The following PRDM5 variants were observed in gnomAD, a reference collection of about 807,000 sequenced individuals.
PRDM5 encodes PR/SET domain 5, also known as PR domain zinc finger protein 5.
A neutral mutation model predicts 81.2 loss-of-function variants in PRDM5; 56 were observed. That is an observed-to-expected ratio of 0.69 (90% CI 0.56 to 0.86). The LOEUF (loss-of-function observed/expected upper bound fraction) is 0.86, where lower values mean the gene tolerates loss of function less well. Among genes scored for constraint, PRDM5 ranks in the 40% least tolerant of loss-of-function variants. The probability of loss-of-function intolerance (pLI) is 0.00; values close to 1 mark genes in which losing one functional copy is unlikely to be tolerated. For synonymous variants in PRDM5, 267 were observed against 256.4 expected, an observed-to-expected ratio of 1.04 and a Z score of -0.39; for missense variants, 697 against 770.1, an observed-to-expected ratio of 0.91 and a Z score of 1.12.
At chr4:120,794,011 A>C (rs1231315817) in intron 10 of PRDM5, among the ~76,000 whole-genome samples, 1 of 152,262 alleles carries the variant, frequency 6.6e-6, no homozygotes, top group Non-Finnish European at 1.5e-5. Context: ...AAGAGAAAGA[A>C]CAATTAAAAT....
chr4:120,908,215 T>C (rs560071427), intron 1 of PRDM5, among the ~76,000 whole-genome samples: 137 of 152,324 alleles, frequency 9.0e-4, no homozygotes, highest in Non-Finnish European at 1.6e-3. Context: ...CTGACGGGAC[T>C]TTTAAGGACA....
intron 3 of PRDM5, among the ~76,000 whole-genome samples, chr4:120,827,263 AT>A (rs1158943283): frequency 6.6e-6 from 1 of 152,124 alleles, no homozygotes; most frequent in African/African-American, 2.4e-5. Context: ...TGGAATTCAG[AT>A]TTGCTGGCAA....
At chr4:120,805,342 C>T (rs1397634957) in intron 8 of PRDM5, among the ~76,000 whole-genome samples, 1 of 152,222 alleles carries the variant, frequency 6.6e-6, no homozygotes, top group African/African-American at 2.4e-5. Context: ...TCCTCCCTAA[C>T]TCATTTTGTG....
At chr4:120,697,670 AT>A (rs373112429) in intron 15 of PRDM5, among the ~76,000 whole-genome samples, 8 of 30,066 alleles carry the variant, frequency 2.7e-4, no homozygotes, top group African/African-American at 8.8e-4. Context: ...CCAGCTAACT[AT>A]TTTTTTTTTT....
At chr4:120,718,146 T>C (rs1393582282) in intron 14 of PRDM5, among the ~76,000 whole-genome samples, 1 of 152,344 alleles carries the variant, frequency 6.6e-6, no homozygotes, top group African/African-American at 2.4e-5. Flanking sequence ...GCACTAGGGA[T>C]ACACCTTTTC....
chr4:120,767,421 A>T (rs2149198263), intron 13 of PRDM5, among the ~76,000 whole-genome samples: 1 of 152,332 alleles, frequency 6.6e-6, no homozygotes, highest in Admixed American at 6.5e-5. Flanking sequence ...TCTTCATAAA[A>T]CTGAGTGTTA....
chr4:120,833,907 G>A lies in PRDM5; in HGVS notation c.301-12562C>T, dbSNP rs192234564. Among the ~76,000 whole-genome samples the A allele has an allele frequency of 1.7e-3, 252 of 152,232 alleles. 1 individual carries two copies. The highest frequency in any genetic ancestry group is 7.0e-3 in the Admixed American group (107 of 15,288). On this transcript the variant is annotated intron_variant, in intron 3 of 15. Coordinates refer to ENST00000264808, the MANE Select transcript of PRDM5 (RefSeq NM_018699.4). The stretch of plus-strand genomic sequence containing the variant: ...TGTTTGAAACGCACTCTGAATCTGT[G>A]AAAGCTAGATAAGTCCTAAACAAAA...
Position 120,810,975 on chromosome 4 carries a change from T to A in PRDM5, c.945+395A>T, listed in dbSNP as rs961018351. 9.8e-4 allele frequency among the ~76,000 whole-genome samples: 149 copies of A among 152,252 alleles called. 1 individual carries two copies. Among genetic ancestry groups the A allele is most frequent in the Non-Finnish European group, 1.9e-4 (13 of 68,000 alleles). On this transcript the variant is annotated intron_variant, in intron 8 of 15. Transcript: ENST00000264808. ...ATCTATATATAAACAGAAACAAAAA[T>A]TCATTTTACAAACCATAACAAAAGT...
intron 3 of PRDM5, among the ~76,000 whole-genome samples, chr4:120,825,157 A>G (rs964522417): frequency 3.3e-5 from 5 of 152,120 alleles, no homozygotes; most frequent in African/African-American, 9.7e-5. Flanking sequence ...CCAAACCACC[A>G]ATTTCCTCAT....
chr4:120,716,168 T>C (rs11736461), intron 14 of PRDM5, among the ~76,000 whole-genome samples: 1 of 152,176 alleles, frequency 6.6e-6, no homozygotes, highest in African/African-American at 2.4e-5. Flanking sequence ...TTTTCACATG[T>C]TTATACATGC....
Position 120,715,704 on chromosome 4 carries a change from A to G in PRDM5, c.1624-5291T>C, listed in dbSNP as rs138617135. ...ATTATTATGAAGTATATGAGAAGAA[A>G]CAAAAAGCTTAATCCCTACACTTTA... On this transcript the variant is annotated intron_variant, in intron 14 of 15. Coordinates refer to ENST00000264808, the MANE Select transcript of PRDM5 (RefSeq NM_018699.4). Among the ~76,000 whole-genome samples the G allele has an allele frequency of 1.4e-4, 21 of 152,294 alleles. No individual in the cohort carries two copies. The East Asian group carries it at 3.3e-3, about 24-fold the overall frequency.
At chr4:120,723,821 T>A (rs1258425839) in intron 14 of PRDM5, among the ~76,000 whole-genome samples, 1 of 152,082 alleles carries the variant, frequency 6.6e-6, no homozygotes, top group African/African-American at 2.4e-5. Context: ...AGGTTTCTGA[T>A]GTAACTGTCT....
At chr4:120,841,915 T>C (rs72921590) in intron 3 of PRDM5, among the ~76,000 whole-genome samples, 2,942 of 152,352 alleles carry the variant, frequency 0.019, 106 homozygotes, top group African/African-American at 0.066. Context: ...AGTTCCAGTA[T>C]ATTTAGTGCA....
At chr4:120,732,509 T>C (rs1337610651) in intron 14 of PRDM5, among the ~76,000 whole-genome samples, 1 of 152,180 alleles carries the variant, frequency 6.6e-6, no homozygotes, top group Non-Finnish European at 1.5e-5. Context: ...TTTATATTCA[T>C]TGTAACTTAT....
intron 3 of PRDM5, among the ~76,000 whole-genome samples, chr4:120,824,870 G>T (rs986925761): frequency 6.6e-6 from 1 of 152,088 alleles, no homozygotes; most frequent in Non-Finnish European, 1.5e-5. Flanking sequence ...GTAAACAATG[G>T]TGTTAATAGG....
chr4:120,736,605 G>A (rs962351657), intron 14 of PRDM5, among the ~76,000 whole-genome samples: 2 of 152,056 alleles, frequency 1.3e-5, no homozygotes, highest in Admixed American at 6.5e-5. Flanking sequence ...CATCCCAGAC[G>A]CCTCTTTTTT....
intron 13 of PRDM5, among the ~76,000 whole-genome samples, chr4:120,755,546 G>A (rs1024549803): frequency 7.2e-5 from 9 of 125,056 alleles, no homozygotes; most frequent in Non-Finnish European, 7.7e-5. Context: ...AGCAGTGTAT[G>A]TTCTTCCTCT....
chr4:120,712,460 A>ATCT (rs1299909960), intron 14 of PRDM5, among the ~76,000 whole-genome samples: 1 of 152,154 alleles, frequency 6.6e-6, no homozygotes, highest in Non-Finnish European at 1.5e-5. Flanking sequence ...AACTAGCCTA[A>ATCT]GAAGTCCAAC....
chr4:120,789,628 T>C (rs1199794397), intron 10 of PRDM5, among the ~76,000 whole-genome samples: 1 of 152,158 alleles, frequency 6.6e-6, no homozygotes, highest in African/African-American at 2.4e-5. Context: ...CACATTACCA[T>C]CCCAGTGGGC....
Sources: gnomAD v4.1 joint callset for allele counts (sites outside exome capture counted in the v4.1 genomes callset) on GRCh38, gnomAD v4.1.1 for gene constraint, MANE v1.5 for transcripts, NCBI Gene and HGNC (gene_info 2026-07-23, HGNC 2026-07-21) for gene names.